Variants in THSD7B observed in about 807,000 individuals in gnomAD.
The protein encoded by THSD7B is thrombospondin type 1 domain containing 7B, also known as thrombospondin type-1 domain-containing protein 7B.
In THSD7B, 138 loss-of-function variants were observed where a neutral mutation model predicts 213.6. The observed-to-expected ratio is 0.65, with a 90% CI of 0.56 to 0.74. The LOEUF is 0.74. THSD7B is among the 30% of genes least tolerant of loss of function. THSD7B has a pLI of 0.00. For missense variants in THSD7B, 1,931 were observed against 1,991.5 expected (o/e 0.97, Z 0.58); for synonymous variants, 742 against 687.0 (o/e 1.08, Z -1.25).
intron 15 of THSD7B, among the ~76,000 whole-genome samples, chr2:137,540,753 G>T (rs554187739): frequency 1.3e-5 from 2 of 151,676 alleles, no homozygotes; most frequent in African/African-American, 4.8e-5. Context: ...TTAACTTGTA[G>T]CTACCTGAGA....
chr2:137,264,688 C>A (rs1296790118), intron 10 of THSD7B, among the ~76,000 whole-genome samples: 1 of 152,020 alleles, frequency 6.6e-6, no homozygotes, highest in Admixed American at 6.6e-5. Context: ...GTTATAATAA[C>A]ACATATAGAG....
chr2:137,380,038 G>A (rs1685738860), intron 12 of THSD7B, among the ~76,000 whole-genome samples: 1 of 152,194 alleles, frequency 6.6e-6, no homozygotes, highest in African/African-American at 2.4e-5. Context: ...TTAAGCTTCA[G>A]GTGGAATATG....
rs1196854445 is a variant in THSD7B, at chr2:137,281,856, A to G, written c.2500+5830A>G. The stretch of plus-strand genomic sequence containing the variant: ...CATTGCTATTGTGAATAGTGCTGCA[A>G]TAAACACACGTGTGCATGTGTCTTT... On this transcript the variant is annotated intron_variant, in intron 12 of 27. Transcript: ENST00000409968. 5.3e-5 allele frequency among the ~76,000 whole-genome samples: 8 copies of G among 152,320 alleles called. No homozygotes were observed. In the East Asian group the frequency reaches 1.3e-3, roughly 26 times the overall value.
intron 15 of THSD7B, among the ~76,000 whole-genome samples, chr2:137,539,112 G>T (rs575892220): frequency 6.6e-6 from 1 of 151,630 alleles, no homozygotes; most frequent in South Asian, 2.1e-4. Flanking sequence ...TGCTATTTCT[G>T]TACACCCCAA....
chr2:136,798,574 T>G (rs976408472), intron 1 of THSD7B, among the ~76,000 whole-genome samples: 1 of 151,972 alleles, frequency 6.6e-6, no homozygotes, highest in African/African-American at 2.4e-5. Flanking sequence ...TGGTAGTTTC[T>G]ACTTTTAGTT....
At chr2:137,658,386 G>A (rs1357547674) in intron 24 of THSD7B, among the ~76,000 whole-genome samples, 1 of 152,114 alleles carries the variant, frequency 6.6e-6, no homozygotes, top group Non-Finnish European at 1.5e-5. Context: ...TGTATAACAT[G>A]TAATCATCTG....
At chr2:136,831,428 A>G (rs905917880) in intron 1 of THSD7B, among the ~76,000 whole-genome samples, 1 of 152,210 alleles carries the variant, frequency 6.6e-6, no homozygotes, top group Non-Finnish European at 1.5e-5. Flanking sequence ...TGAATAGCAG[A>G]GCTTGAGTTC....
intron 3 of THSD7B, among the ~76,000 whole-genome samples, chr2:137,079,409 A>G (rs1687697257): frequency 6.6e-6 from 1 of 152,160 alleles, no homozygotes; most frequent in African/African-American, 2.4e-5. Context: ...TATATGGTGC[A>G]TAGATATTCA....
chr2:137,662,596 G>A (rs115557133), intron 25 of THSD7B, among the ~76,000 whole-genome samples: 3,845 of 152,104 alleles, frequency 0.025, 137 homozygotes, highest in African/African-American at 0.086. Flanking sequence ...GGGATTTCGC[G>A]GCTGTGATAG....
intron 9 of THSD7B, among the ~76,000 whole-genome samples, chr2:137,240,892 A>G (rs1558970262): frequency 6.6e-6 from 1 of 152,076 alleles, no homozygotes; most frequent in Non-Finnish European, 1.5e-5. Context: ...TTCACTCTGA[A>G]TTATCATCTC....
At chr2:137,506,327 G>A (rs1456992951) in intron 15 of THSD7B, among the ~76,000 whole-genome samples, 1 of 152,206 alleles carries the variant, frequency 6.6e-6, no homozygotes, top group Admixed American at 6.5e-5. Flanking sequence ...ACACAAGGGG[G>A]ATTTTCTTTA....
chr2:137,562,649 T>C (rs1389764195), intron 15 of THSD7B, among the ~76,000 whole-genome samples: 1 of 150,130 alleles, frequency 6.7e-6, no homozygotes, highest in African/African-American at 2.4e-5. Context: ...TTAGCTACAC[T>C]CTGAAAACAT....
chr2:137,062,758 C>A (rs780644637), intron 3 of THSD7B, among the ~76,000 whole-genome samples: 1 of 151,766 alleles, frequency 6.6e-6, no homozygotes, highest in Admixed American at 6.6e-5. Flanking sequence ...TATGTGAACT[C>A]GAGAAGAATG....
At chr2:137,667,681 A>G in intron 26 of THSD7B, 93 bp from the exon 27 acceptor site, 1 of 988,400 alleles carries the variant, frequency 1.0e-6, no homozygotes, top group Non-Finnish European at 1.5e-6. Context: ...ACTGATGGTC[A>G]GCTTGGGGTT....
intron 2 of THSD7B, among the ~76,000 whole-genome samples, chr2:136,936,439 G>A (rs578177941): frequency 2.0e-5 from 3 of 152,298 alleles, no homozygotes; most frequent in East Asian, 1.9e-4. Context: ...ATCAATCAAT[G>A]AGTGGATAAA....
chr2:137,448,667 C>T (rs948797597), intron 14 of THSD7B, among the ~76,000 whole-genome samples: 11 of 152,090 alleles, frequency 7.2e-5, no homozygotes, highest in South Asian at 2.1e-4. Context: ...GGAGCGGTGG[C>T]GGGCGCCTGT....
chr2:137,477,827 CATTT>C (rs1688223932), intron 15 of THSD7B, among the ~76,000 whole-genome samples: 1 of 151,788 alleles, frequency 6.6e-6, no homozygotes, highest in African/African-American at 2.4e-5. Context: ...TTTAATCCTT[CATTT>C]ATGAAGGGTA....
chr2:137,225,162 T>G (rs1681467736), intron 7 of THSD7B, among the ~76,000 whole-genome samples: 1 of 152,222 alleles, frequency 6.6e-6, no homozygotes, highest in Admixed American at 6.5e-5. Context: ...GTACAGTTTT[T>G]GCTGAATCTC....
chr2:137,441,408 T>C (rs1687407446), intron 14 of THSD7B, among the ~76,000 whole-genome samples: 1 of 152,118 alleles, frequency 6.6e-6, no homozygotes, highest in South Asian at 2.1e-4. Flanking sequence ...TTATAAACAT[T>C]TGGGGTTCAT....
Sources: gnomAD v4.1 joint callset for allele counts (sites outside exome capture counted in the v4.1 genomes callset) on GRCh38, gnomAD v4.1.1 for gene constraint, MANE v1.5 for transcripts, NCBI Gene and HGNC (gene_info 2026-07-23, HGNC 2026-07-21) for gene names.